SPMIP8: variants seen among roughly 807,000 people sequenced by gnomAD.
The protein encoded by SPMIP8 is testicular tissue protein Li 196.
At chr16:57,986,231 A>C in the SPMIP8 span, 1 of 371,248 alleles carries the variant, frequency 2.7e-6, no homozygotes, top group Non-Finnish European at 4.8e-6. Flanking sequence ...AGGAGAGAAA[A>C]CAGACAAATA....
chr16:57,980,840 A>C, the SPMIP8 span, among the ~76,000 whole-genome samples: 1 of 152,050 alleles, frequency 6.6e-6, no homozygotes, highest in Non-Finnish European at 1.5e-5. Flanking sequence ...GACTACAGGC[A>C]CACACCACTA....
the SPMIP8 span, among the ~76,000 whole-genome samples, chr16:57,981,425 T>TATAATAATAATAATA: frequency 4.3e-5 from 6 of 140,778 alleles, no homozygotes; most frequent in African/African-American, 2.7e-5. Context: ...TTATTATTAT[T>TATAATAATAATAATA]ATTATTATAA....
the SPMIP8 span, among the ~76,000 whole-genome samples, chr16:57,981,854 C>T: frequency 3.3e-5 from 5 of 151,952 alleles, no homozygotes; most frequent in African/African-American, 7.3e-5. Flanking sequence ...GTGTCTAAAC[C>T]GCAAAAAGGC....
At chr16:57,976,599 T>C in the SPMIP8 span, 1 of 1,614,128 alleles carries the variant, frequency 6.2e-7, no homozygotes, top group Non-Finnish European at 8.5e-7. Context: ...CCTGTGCACC[T>C]GGGCCTGGGC....
chr16:57,984,638 C>T, the SPMIP8 span: 4 of 1,577,002 alleles, frequency 2.5e-6, no homozygotes, highest in Non-Finnish European at 3.4e-6. Context: ...CCTGTCAGGA[C>T]ATCACCGCCA....
the SPMIP8 span, among the ~76,000 whole-genome samples, chr16:57,982,411 G>A: frequency 1.3e-5 from 2 of 152,124 alleles, no homozygotes; most frequent in Non-Finnish European, 2.9e-5. Flanking sequence ...CCATCATACT[G>A]ACTTTTTAAA....
At chr16:57,983,055 T>C in the SPMIP8 span, among the ~76,000 whole-genome samples, 9 of 152,232 alleles carry the variant, frequency 5.9e-5, no homozygotes, top group Middle Eastern at 3.4e-3. Flanking sequence ...TTAAAGCAAA[T>C]GGTAGCATAT....
At chr16:57,976,817 C>T in the SPMIP8 span, among the ~76,000 whole-genome samples, 1 of 152,180 alleles carries the variant, frequency 6.6e-6, no homozygotes, top group Non-Finnish European at 1.5e-5. Flanking sequence ...ACCTCCACCT[C>T]TCACCTCTAA....
chr16:57,985,467 T>G, the SPMIP8 span: 3 of 1,613,796 alleles, frequency 1.9e-6, no homozygotes, highest in Non-Finnish European at 2.5e-6. Flanking sequence ...CCCCTATCCC[T>G]GCTGCCCGCC....
At chr16:57,985,192 C>CT in the SPMIP8 span, 2 of 1,514,560 alleles carry the variant, frequency 1.3e-6, no homozygotes, top group Non-Finnish European at 1.8e-6. Flanking sequence ...TCGAGAGGGG[C>CT]TTTCTGTTCG....
chr16:57,983,616 TA>T, the SPMIP8 span, among the ~76,000 whole-genome samples: 2 of 152,022 alleles, frequency 1.3e-5, no homozygotes, highest in African/African-American at 2.4e-5. Context: ...GTTGTCAAAT[TA>T]AAAAAAAATT....
At chr16:57,979,937 G>A in the SPMIP8 span, among the ~76,000 whole-genome samples, 1 of 152,100 alleles carries the variant, frequency 6.6e-6, no homozygotes, top group Non-Finnish European at 1.5e-5. Context: ...GCGGGGTGGC[G>A]GGTGCCTGTA....
chr16:57,987,649 C>G, the SPMIP8 span: 316 of 457,786 alleles, frequency 6.9e-4, no homozygotes, highest in Middle Eastern at 2.9e-3. Context: ...CTTACCCTTG[C>G]CCGTCCCCGG....
chr16:57,984,515 C>T, the SPMIP8 span: 9 of 1,501,702 alleles, frequency 6.0e-6, no homozygotes, highest in Admixed American at 1.0e-4. Flanking sequence ...CGACTTCGGG[C>T]GCCCCCTCGG....
chr16:57,977,884 T>A, the SPMIP8 span: 1 of 1,614,138 alleles, frequency 6.2e-7, no homozygotes, highest in Non-Finnish European at 8.5e-7. Flanking sequence ...TCCCCGGCCA[T>A]CCTGCTTCCC....
chr16:57,987,071 C>T, the SPMIP8 span: 18 of 301,428 alleles, frequency 6.0e-5, no homozygotes, highest in Admixed American at 2.0e-4. Flanking sequence ...CCAGCCTTCC[C>T]GTCTCCCACA....
At chr16:57,984,524 G>A in the SPMIP8 span, 1 of 1,503,756 alleles carries the variant, frequency 6.7e-7, no homozygotes, top group South Asian at 1.3e-5. Context: ...GCGCCCCCTC[G>A]GTCCAATGCA....
chr16:57,980,675 T>C, the SPMIP8 span, among the ~76,000 whole-genome samples: 1 of 152,330 alleles, frequency 6.6e-6, no homozygotes, highest in East Asian at 1.9e-4. Context: ...TTATTTATTT[T>C]TGTGTTTTGC....
chr16:57,984,850 G>C, the SPMIP8 span: 1 of 1,554,012 alleles, frequency 6.4e-7, no homozygotes, highest in East Asian at 2.3e-5. Flanking sequence ...CGGGCAGGTG[G>C]GCCGCGGGGC....
Sources: gnomAD v4.1 joint callset for allele counts (sites outside exome capture counted in the v4.1 genomes callset) on GRCh38, gnomAD v4.1.1 for gene constraint, MANE v1.5 for transcripts, NCBI Gene and HGNC (gene_info 2026-07-23, HGNC 2026-07-21) for gene names.